Variants in TNS3 observed in about 807,000 individuals in gnomAD.
The protein encoded by TNS3 is tensin-3.
TNS3 carries 45 observed loss-of-function variants against 140.9 expected under a neutral mutation model. The observed-to-expected ratio is 0.32, with a 90% CI of 0.25 to 0.41. The LOEUF is 0.41. TNS3 is among the 10% of genes least tolerant of loss of function. The probability of loss-of-function intolerance (pLI) is 1.00; values close to 1 mark genes in which losing one functional copy is unlikely to be tolerated. For synonymous variants in TNS3, 815 were observed against 788.4 expected, an observed-to-expected ratio of 1.03 and a Z score of -0.56; for missense variants, 1,716 against 1,906.7, an observed-to-expected ratio of 0.90 and a Z score of 1.86.
intron 3 of TNS3, among the ~76,000 whole-genome samples, chr7:47,495,216 C>T (rs1054846038): frequency 2.1e-5 from 3 of 144,330 alleles, no homozygotes; most frequent in African/African-American, 7.7e-5. Flanking sequence ...AAAAAAGAAA[C>T]GTTCTTCTCC....
At chr7:47,397,944 A>G (rs1792929097) in intron 15 of TNS3, among the ~76,000 whole-genome samples, 1 of 152,240 alleles carries the variant, frequency 6.6e-6, no homozygotes. Flanking sequence ...AGATTAACCA[A>G]GAAGAGAGAA....
intron 18 of TNS3, among the ~76,000 whole-genome samples, chr7:47,345,472 T>C (rs1789281409): frequency 6.6e-6 from 1 of 152,234 alleles, no homozygotes; most frequent in African/African-American, 2.4e-5. Context: ...GGTGGAAATA[T>C]TCTAAATATT....
chr7:47,444,914 T>G (rs1795652106), intron 4 of TNS3, among the ~76,000 whole-genome samples: 1 of 152,062 alleles, frequency 6.6e-6, no homozygotes. Context: ...TGGTGAAAAG[T>G]CAGAAAGTGT....
intron 1 of TNS3, among the ~76,000 whole-genome samples, chr7:47,534,630 C>G (rs961582287): frequency 2.0e-5 from 3 of 152,168 alleles, no homozygotes; most frequent in African/African-American, 7.2e-5. Flanking sequence ...CAAGACAGAA[C>G]CACCACTGTA....
At chr7:47,566,526 A>G (rs1800432146) in intron 1 of TNS3, among the ~76,000 whole-genome samples, 1 of 152,236 alleles carries the variant, frequency 6.6e-6, no homozygotes, top group African/African-American at 2.4e-5. Context: ...TTGCTAAGTA[A>G]CAGTCTGATT....
At position 47,385,668 on chromosome 7, in the gene TNS3, A is replaced by G. The variant is rs151317558; in HGVS notation, c.1024+11132T>C. On this transcript the variant is annotated intron_variant, in intron 16 of 30. Transcript: ENST00000311160. ...GATTAACAAGAGAGCAATATATTAC[A>G]TGTACAGGAATAAAGAATGAACTCC... 6.6e-3 allele frequency among the ~76,000 whole-genome samples: 1,013 copies of G among 152,338 alleles called. 17 individuals carry two copies. Among genetic ancestry groups the G allele is most frequent in the African/African-American group, 0.023 (970 of 41,570 alleles).
At chr7:47,499,975 G>A (rs1159525132) in intron 3 of TNS3, among the ~76,000 whole-genome samples, 5 of 152,170 alleles carry the variant, frequency 3.3e-5, no homozygotes, top group Non-Finnish European at 5.9e-5. Context: ...AAGCACGTGT[G>A]TGTGAGCCCT....
intron 11 of TNS3, 56 bp downstream of exon 11, chr7:47,415,038 C>A: frequency 1.5e-6 from 2 of 1,350,540 alleles, no homozygotes; most frequent in Non-Finnish European, 2.1e-6. Flanking sequence ...GGGCCCAGGA[C>A]CAGCTCCAAG....
intron 4 of TNS3, among the ~76,000 whole-genome samples, chr7:47,449,034 G>C (rs988521164): frequency 2.0e-5 from 3 of 152,308 alleles, no homozygotes; most frequent in Admixed American, 2.0e-4. Context: ...GCCTGCCTGA[G>C]ACTAACAAGC....
intron 8 of TNS3, among the ~76,000 whole-genome samples, chr7:47,431,248 G>A (rs887642346): frequency 4.6e-5 from 7 of 152,106 alleles, no homozygotes; most frequent in African/African-American, 1.7e-4. Flanking sequence ...GTAAGAGGAA[G>A]GTTTATGGCA....
At chr7:47,515,549 C>T (rs1798752152) in intron 2 of TNS3, among the ~76,000 whole-genome samples, 1 of 125,462 alleles carries the variant, frequency 8.0e-6, no homozygotes, top group Non-Finnish European at 1.9e-5. Flanking sequence ...CCATCAACCA[C>T]ACCATCACCA....
chr7:47,460,156 T>C (rs1189322005), intron 4 of TNS3, among the ~76,000 whole-genome samples: 2 of 142,690 alleles, frequency 1.4e-5, no homozygotes, highest in Non-Finnish European at 3.0e-5. Context: ...GAGCTTGCAG[T>C]GAGCCGAGAT....
At chr7:47,470,058 T>G (rs1393785183) in intron 4 of TNS3, among the ~76,000 whole-genome samples, 2 of 151,444 alleles carry the variant, frequency 1.3e-5, no homozygotes, top group Non-Finnish European at 2.9e-5. Context: ...AATCATGTCC[T>G]TTGCAGCAAC....
Position 47,368,743 on chromosome 7 carries a change from G to T in TNS3, c.1903C>A (p.Arg635=), listed in dbSNP as rs1387052768. The T allele has an allele frequency of 1.3e-6, 2 of 1,581,456 alleles. No individual in the cohort carries two copies. Among genetic ancestry groups the T allele is most frequent in the African/African-American group, 1.3e-5 (1 of 74,508 alleles). The part of the protein sequence containing the change: ...AQPRVPLTPT[R]GTSSRVAVQR... The stretch of plus-strand genomic sequence containing the variant: ...ACAGCCACCCTACTGCTGGTCCCTC[G>T]GGTGGGGGTGAGTGGCACTCTGGGC... The change falls in exon 17 of 31, where the codon CGA becomes AGA. Residue 635 remains arginine, a synonymous_variant. Coordinates refer to ENST00000311160, the MANE Select transcript of TNS3 (RefSeq NM_022748.12).
At chr7:47,527,622 G>C (rs1390259919) in intron 2 of TNS3, among the ~76,000 whole-genome samples, 1 of 152,104 alleles carries the variant, frequency 6.6e-6, no homozygotes, top group Non-Finnish European at 1.5e-5. Flanking sequence ...AGTGCCGTTT[G>C]CAAGTATGGG....
chr7:47,442,766 G>A (rs1795529811), intron 4 of TNS3, among the ~76,000 whole-genome samples: 1 of 152,142 alleles, frequency 6.6e-6, no homozygotes, highest in Non-Finnish European at 1.5e-5. Flanking sequence ...GCCAGGTAAT[G>A]CTGCACACAG....
chr7:47,424,626 T>C (rs1466485290), intron 9 of TNS3, among the ~76,000 whole-genome samples: 5 of 152,084 alleles, frequency 3.3e-5, no homozygotes, highest in Admixed American at 1.3e-4. Context: ...CAGGACCACA[T>C]GGATGCAGGG....
chr7:47,439,173 C>A (rs920233516), intron 6 of TNS3, among the ~76,000 whole-genome samples: 1 of 152,160 alleles, frequency 6.6e-6, no homozygotes, highest in Non-Finnish European at 1.5e-5. Context: ...AGCATGGGAG[C>A]GCAAGGGTGG....
intron 2 of TNS3, among the ~76,000 whole-genome samples, chr7:47,515,818 C>T (rs1332632018): frequency 2.6e-5 from 4 of 152,240 alleles, no homozygotes; most frequent in African/African-American, 7.2e-5. Context: ...TTATCACCAT[C>T]GTCATTACTG....
Sources: allele counts gnomAD v4.1 joint callset (sites outside exome capture counted in the v4.1 genomes callset), GRCh38; gene constraint gnomAD v4.1.1; transcripts MANE v1.5; gene names NCBI Gene and HGNC (gene_info 2026-07-23, HGNC 2026-07-21).